ANK3: variants seen among roughly 807,000 people sequenced by gnomAD.
ANK3 encodes ankyrin 3, also known as ankyrin-3.
Under a neutral mutation model 370.9 loss-of-function variants are expected in ANK3, and 57 were observed. That is an observed-to-expected ratio of 0.15 (90% CI 0.12 to 0.19). ANK3 has a LOEUF of 0.19. ANK3 is among the 10% of genes least tolerant of loss of function. The pLI is 1.00. For synonymous variants in ANK3, 1,929 were observed against 1,946.3 expected (o/e 0.99, Z 0.23); for missense variants, 4,439 against 5,302.1 (o/e 0.84, Z 5.06).
intron 9 of ANK3, among the ~76,000 whole-genome samples, chr10:60,211,957 GA>G (rs575190173): frequency 1.1e-3 from 154 of 144,602 alleles, no homozygotes; most frequent in Admixed American, 1.7e-3. Context: ...TTGGGAAACA[GA>G]AAAACTAAAT....
In ANK3 at chr10:60,172,890, G is replaced by A; in HGVS notation, c.2382+10C>T. On this transcript the variant is annotated intron_variant, in intron 20 of 43. Transcript: ENST00000280772. The stretch of plus-strand genomic sequence containing the variant: ...CTCCCTCTTCTCCTGAGCTGGCCCT[G>A]AGCGCTTACCACAGTGAGTTCATTG... 6.2e-7 allele frequency: 1 copy of A among 1,601,070 alleles called. No homozygotes were observed. The highest frequency in any genetic ancestry group is 8.6e-7 in the Non-Finnish European group (1 of 1,168,732).
intron 9 of ANK3, among the ~76,000 whole-genome samples, chr10:60,208,973 C>T (rs1243845673): frequency 3.9e-5 from 6 of 152,112 alleles, no homozygotes; most frequent in East Asian, 3.8e-4. Context: ...CAGTTAATCA[C>T]GTGCAGTAGG....
intron 23 of ANK3, among the ~76,000 whole-genome samples, chr10:60,147,709 T>A (rs1396401664): frequency 6.6e-6 from 1 of 152,094 alleles, no homozygotes; most frequent in Non-Finnish European, 1.5e-5. Context: ...CCCCTTCCTC[T>A]CTCTTCCTCC....
intron 1 of ANK3, among the ~76,000 whole-genome samples, chr10:60,658,901 G>T (rs2078901174): frequency 8.7e-6 from 1 of 115,360 alleles, no homozygotes. Context: ...GAGAGAAAAA[G>T]GAAAGGAAAG....
chr10:60,327,861 C>G (rs1041394152), intron 1 of ANK3, among the ~76,000 whole-genome samples: 15 of 152,140 alleles, frequency 9.9e-5, no homozygotes, highest in African/African-American at 3.4e-4. Flanking sequence ...TGTTAAAGCA[C>G]TCTTCAGGCA....
chr10:60,044,084 C>T (rs978749807), intron 42 of ANK3: 3 of 985,698 alleles, frequency 3.0e-6, no homozygotes, highest in Non-Finnish European at 2.4e-6. Context: ...CACATCATCA[C>T]GTTTTCTCTC....
At chr10:60,257,015 TTTAAG>T (rs1358640257) in intron 7 of ANK3, among the ~76,000 whole-genome samples, 1 of 152,240 alleles carries the variant, frequency 6.6e-6, no homozygotes, top group African/African-American at 2.4e-5. Flanking sequence ...TGAATGGTAG[TTTAAG>T]TTCTTTGAGA....
At chr10:60,327,836 C>T (rs1026543476) in intron 1 of ANK3, among the ~76,000 whole-genome samples, 1 of 152,116 alleles carries the variant, frequency 6.6e-6, no homozygotes, top group African/African-American at 2.4e-5. Context: ...CTTTAGTAGG[C>T]CTAGTAAACT....
At chr10:60,146,743 G>A (rs1005870790) in intron 23 of ANK3, among the ~76,000 whole-genome samples, 1 of 152,140 alleles carries the variant, frequency 6.6e-6, no homozygotes, top group Non-Finnish European at 1.5e-5. Context: ...GCCTCCCAAA[G>A]TGCTGGGATT....
chr10:60,327,497 C>G (rs184947080), intron 1 of ANK3, among the ~76,000 whole-genome samples: 17 of 152,298 alleles, frequency 1.1e-4, no homozygotes, highest in Admixed American at 3.3e-4. Flanking sequence ...CTTTTCCTCT[C>G]CTTATACCGC....
intron 25 of ANK3, among the ~76,000 whole-genome samples, chr10:60,124,681 C>A (rs1267088006): frequency 6.6e-6 from 1 of 152,200 alleles, no homozygotes; most frequent in African/African-American, 2.4e-5. Flanking sequence ...GGCTAACATG[C>A]TTTACTCAGA....
chr10:60,508,209 G>A (rs924906359), intron 2 of ANK3: 15 of 152,176 alleles, frequency 9.9e-5, no homozygotes, highest in African/African-American at 3.6e-4. Context: ...CTGGCCAGAT[G>A]TGAAATGCAA....
Position 60,343,228 on chromosome 10 carries a change from G to A in ANK3, c.114+46197C>T, listed in dbSNP as rs577751120. Among the ~76,000 whole-genome samples, 8 of 152,046 alleles carry A rather than the reference G, an allele frequency of 5.3e-5. No individual in the cohort carries two copies. In the South Asian group the frequency reaches 1.0e-3, roughly 20 times the overall value. ...ATACATTATTAGATAATTTATCACA[G>A]TAAAATAAAAATGTCAATAATCTAA... On this transcript the variant is annotated intron_variant, in intron 1 of 43. Coordinates refer to ENST00000280772, the MANE Select transcript of ANK3 (RefSeq NM_020987.5).
chr10:60,124,380 T>G (rs1209814742), intron 25 of ANK3, among the ~76,000 whole-genome samples: 1 of 152,200 alleles, frequency 6.6e-6, no homozygotes, highest in African/African-American at 2.4e-5. Context: ...TTCACCATGT[T>G]GGCCAGGCAG....
chr10:60,262,314 T>A (rs1167671418), intron 6 of ANK3, among the ~76,000 whole-genome samples: 1 of 152,232 alleles, frequency 6.6e-6, no homozygotes. Flanking sequence ...GATAGAATTG[T>A]GCATTGAAAC....
chr10:60,145,389 T>A (rs1225615021), intron 23 of ANK3, among the ~76,000 whole-genome samples: 1 of 152,146 alleles, frequency 6.6e-6, no homozygotes, highest in African/African-American at 2.4e-5. Context: ...TGCTTATCCT[T>A]TAAAAAGTGA....
intron 2 of ANK3, among the ~76,000 whole-genome samples, chr10:60,420,616 T>A (rs1255539632): frequency 6.6e-6 from 1 of 152,074 alleles, no homozygotes; most frequent in African/African-American, 2.4e-5. Flanking sequence ...TAGGACAGTA[T>A]TGTGCCTTGA....
intron 28 of ANK3, among the ~76,000 whole-genome samples, chr10:60,089,673 A>G (rs571559648): frequency 6.6e-6 from 1 of 152,304 alleles, no homozygotes; most frequent in African/African-American, 2.4e-5. Context: ...ATTAAGATTT[A>G]CTCAGAAGTA....
chr10:60,236,419 C>CTTTAAGTCT (rs1327904334), intron 7 of ANK3, among the ~76,000 whole-genome samples: 1 of 150,828 alleles, frequency 6.6e-6, no homozygotes, highest in African/African-American at 2.5e-5. Context: ...AGGTTGAGTC[C>CTTTAAGTCT]TTTAAGTCTT....
Sources: gnomAD v4.1 joint callset for allele counts (sites outside exome capture counted in the v4.1 genomes callset) on GRCh38, gnomAD v4.1.1 for gene constraint, MANE v1.5 for transcripts, NCBI Gene and HGNC (gene_info 2026-07-23, HGNC 2026-07-21) for gene names.